Variants in FPR3 observed in about 807,000 individuals in gnomAD.
The protein encoded by FPR3 is N-formyl peptide receptor 3.
For missense variants in FPR3, 346 were observed against 443.2 expected, an observed-to-expected ratio of 0.78 and a Z score of 1.97; for synonymous variants, 135 against 163.6, an observed-to-expected ratio of 0.83 and a Z score of 1.34.
intron 1 of FPR3, among the ~76,000 whole-genome samples, chr19:51,813,323 A>T (rs1219807548): frequency 6.6e-6 from 1 of 151,920 alleles, no homozygotes; most frequent in Non-Finnish European, 1.5e-5. Flanking sequence ...CTTATAAGGC[A>T]CTCATCCTAC....
chr19:51,800,815 G>A (rs1450429331), intron 1 of FPR3, among the ~76,000 whole-genome samples: 1 of 152,046 alleles, frequency 6.6e-6, no homozygotes, highest in Non-Finnish European at 1.5e-5. Flanking sequence ...CATACCACTG[G>A]GATCTTGTCC....
intron 1 of FPR3, among the ~76,000 whole-genome samples, chr19:51,810,923 G>A (rs1417612256): frequency 6.6e-6 from 1 of 152,196 alleles, no homozygotes; most frequent in African/African-American, 2.4e-5. Context: ...TGGCAGCAGA[G>A]CATAAAATTC....
intron 1 of FPR3, among the ~76,000 whole-genome samples, chr19:51,803,379 GA>G (rs1398559619): frequency 3.9e-5 from 6 of 152,032 alleles, no homozygotes; most frequent in African/African-American, 1.4e-4. Flanking sequence ...AAAACACTCA[GA>G]AATTGTCAAT....
intron 1 of FPR3, among the ~76,000 whole-genome samples, chr19:51,815,267 A>AT (rs2084126949): frequency 6.6e-6 from 1 of 152,056 alleles, no homozygotes; most frequent in South Asian, 2.1e-4. Flanking sequence ...ATTGAGCTCT[A>AT]TAAAAAAATG....
At chr19:51,808,529 T>C (rs183829619) in intron 1 of FPR3, among the ~76,000 whole-genome samples, 9 of 152,318 alleles carry the variant, frequency 5.9e-5, no homozygotes, top group African/African-American at 2.2e-4. Flanking sequence ...AATGCTGACA[T>C]AGCGTAAGAC....
intron 1 of FPR3, among the ~76,000 whole-genome samples, chr19:51,820,302 T>C (rs74526737): frequency 0.028 from 4,335 of 152,326 alleles, 162 homozygotes; most frequent in African/African-American, 0.087. Context: ...ATTGTGACAT[T>C]GAACAAGTCA....
chr19:51,812,959 C>A (rs907001370), intron 1 of FPR3, among the ~76,000 whole-genome samples: 1 of 151,818 alleles, frequency 6.6e-6, no homozygotes, highest in African/African-American at 2.4e-5. Context: ...TGTCTCTACC[C>A]AAAAATACAA....
intron 1 of FPR3, among the ~76,000 whole-genome samples, chr19:51,803,280 A>AAT (rs1457316667): frequency 6.6e-6 from 1 of 152,190 alleles, no homozygotes; most frequent in African/African-American, 2.4e-5. Flanking sequence ...TTTCCACTTC[A>AAT]ATACAGTACT....
rs1017627910 is a variant in FPR3, at chr19:51,824,912, C to A, written c.*102C>A. The A allele has an allele frequency of 6.8e-6, 6 of 876,630 alleles. No homozygotes were observed. The highest frequency in any genetic ancestry group is 5.1e-5 in the African/African-American group (3 of 58,548). The allele number at this position is 876,630 out of a possible 1,614,324, so 54.3% of individuals were successfully genotyped here. ...TTCCTCTTTCATACCACCACCACCA[C>A]AATCATCAACATAAAGGAAGTCTGT... is the stretch of plus-strand genomic sequence containing the variant. On this transcript the variant is annotated 3_prime_UTR_variant, in exon 2 of 2. Coordinates refer to ENST00000339223, the MANE Select transcript of FPR3 (RefSeq NM_002030.5). This position sits in a 1 kb window ranked among gnomAD's most constrained non-coding sequence, Gnocchi z 4.7.
intron 1 of FPR3, among the ~76,000 whole-genome samples, chr19:51,801,638 G>A (rs773060401): frequency 4.6e-5 from 7 of 152,124 alleles, no homozygotes; most frequent in South Asian, 2.1e-4. Context: ...GAAATTAACC[G>A]GGCGTGATGC....
chr19:51,821,132 T>G (rs1257699101), intron 1 of FPR3, among the ~76,000 whole-genome samples: 1 of 152,198 alleles, frequency 6.6e-6, no homozygotes, highest in Non-Finnish European at 1.5e-5. Flanking sequence ...AAGATTTCCA[T>G]GTCCAGTCTC....
Position 51,825,896 on chromosome 19 carries a change from G to GT in FPR3, c.*1093dup, listed in dbSNP as rs749832077. ...ATTTGTAAGGCTTAGATGAGATAGT[G>GT]TTTTTTTAGAAAAAAACTTTATCTT... is the stretch of plus-strand genomic sequence containing the variant. On this transcript the variant is annotated 3_prime_UTR_variant, in exon 2 of 2. Coordinates refer to ENST00000339223, the MANE Select transcript of FPR3 (RefSeq NM_002030.5). 2.3e-3 allele frequency: 390 copies of GT among 167,074 alleles called. 1 individual carries two copies. Among genetic ancestry groups the GT allele is most frequent in the Non-Finnish European group, 3.6e-3 (242 of 68,094 alleles). The allele number at this position is 167,074 out of a possible 1,614,324, so 10.3% of individuals were successfully genotyped here.
chr19:51,800,433 C>T (rs910249208), intron 1 of FPR3, among the ~76,000 whole-genome samples: 1 of 152,198 alleles, frequency 6.6e-6, no homozygotes, highest in African/African-American at 2.4e-5. Flanking sequence ...CCCACCACTG[C>T]TTACAGGCTG....
chr19:51,821,578 G>A (rs2084189862), intron 1 of FPR3, among the ~76,000 whole-genome samples: 1 of 152,122 alleles, frequency 6.6e-6, no homozygotes, highest in Non-Finnish European at 1.5e-5. Context: ...AAAGTGACTG[G>A]TAATGACAGG....
intron 1 of FPR3, among the ~76,000 whole-genome samples, chr19:51,815,265 C>G (rs1260605001): frequency 6.6e-6 from 1 of 151,854 alleles, no homozygotes; most frequent in Non-Finnish European, 1.5e-5. Flanking sequence ...AGATTGAGCT[C>G]TATAAAAAAA....
intron 1 of FPR3, among the ~76,000 whole-genome samples, chr19:51,798,673 C>G (rs1268236257): frequency 6.6e-6 from 1 of 152,148 alleles, no homozygotes; most frequent in Non-Finnish European, 1.5e-5. Flanking sequence ...GAAAAAACTA[C>G]AGGAGTCCCT....
chr19:51,799,527 C>T (rs1340192220), intron 1 of FPR3, among the ~76,000 whole-genome samples: 1 of 152,226 alleles, frequency 6.6e-6, no homozygotes, highest in African/African-American at 2.4e-5. Flanking sequence ...GGATGACTCA[C>T]GCACTTCCTG....
intron 1 of FPR3, among the ~76,000 whole-genome samples, chr19:51,813,415 T>A (rs892406568): frequency 1.1e-4 from 17 of 152,110 alleles, no homozygotes; most frequent in Admixed American, 2.0e-4. Context: ...ATTTATATTT[T>A]TATTTTTATT....
intron 1 of FPR3, among the ~76,000 whole-genome samples, chr19:51,806,986 G>A (rs1478056422): frequency 6.6e-6 from 1 of 152,206 alleles, no homozygotes; most frequent in East Asian, 1.9e-4. Flanking sequence ...CCTAATAATT[G>A]CTGAAAATCA....
Sources: allele counts gnomAD v4.1 joint callset (sites outside exome capture counted in the v4.1 genomes callset), GRCh38; gene constraint gnomAD v4.1.1; non-coding constraint Gnocchi (gnomAD v3.1); transcripts MANE v1.5; gene names NCBI Gene and HGNC (gene_info 2026-07-23, HGNC 2026-07-21).